The following NEDD4 variants were observed in gnomAD, a reference collection of about 807,000 sequenced individuals.
The protein encoded by NEDD4 is NEDD4 E3 ubiquitin protein ligase.
NEDD4 carries 99 observed loss-of-function variants against 144.9 expected under a neutral mutation model. The ratio of observed to expected loss-of-function variants is 0.68; its 90% CI spans 0.58 to 0.81. The LOEUF (loss-of-function observed/expected upper bound fraction) is 0.81, where lower values mean the gene tolerates loss of function less well. Ranked by LOEUF, NEDD4 falls within the 30% of genes least tolerant of loss-of-function variation. NEDD4 has a pLI of 0.00. For synonymous variants in NEDD4, 318 were observed against 350.6 expected (o/e 0.91, Z 1.04); for missense variants, 985 against 1,065.9 (o/e 0.92, Z 1.06).
chr15:55,876,075 A>G (rs912955715), intron 5 of NEDD4, among the ~76,000 whole-genome samples: 6 of 152,240 alleles, frequency 3.9e-5, no homozygotes, highest in Non-Finnish European at 7.3e-5. Flanking sequence ...GTCAAAAACA[A>G]TGGAAGCCAG....
intron 1 of NEDD4, among the ~76,000 whole-genome samples, chr15:55,975,182 T>C (rs1200956381): frequency 6.6e-6 from 1 of 152,080 alleles, no homozygotes; most frequent in Non-Finnish European, 1.5e-5. Context: ...CGTGTGCCAC[T>C]GTGCCCGGCC....
intron 4 of NEDD4, among the ~76,000 whole-genome samples, chr15:55,927,152 T>C (rs945990917): frequency 2.6e-4 from 39 of 149,836 alleles, no homozygotes; most frequent in African/African-American, 9.1e-4. Flanking sequence ...AAAGAAGATG[T>C]AGAAGAACTT....
At position 55,939,812 on chromosome 15, in the gene NEDD4, C is replaced by A. The variant is rs78698658; in HGVS notation, c.237+11564G>T. Among the ~76,000 whole-genome samples, 514 of 152,050 alleles carry A rather than the reference C, an allele frequency of 3.4e-3. 1 individual carries two copies. The highest frequency in any genetic ancestry group is 3.3e-3 in the Non-Finnish European group (227 of 67,972). ...TCTATAGAAAACAGTATAAAGGTTC[C>A]CCAAAAAATTAAAAAGTAGAACTAC... is the stretch of plus-strand genomic sequence containing the variant. On this transcript the variant is annotated intron_variant, in intron 4 of 28. Transcript: ENST00000435532.
At chr15:55,847,872 G>A (rs1039704580) in intron 17 of NEDD4, among the ~76,000 whole-genome samples, 2 of 151,844 alleles carry the variant, frequency 1.3e-5, no homozygotes, top group East Asian at 1.9e-4. Flanking sequence ...TAGAGACAGG[G>A]TTTCACCACG....
chr15:55,834,628 A>T (rs1416548513), intron 24 of NEDD4, among the ~76,000 whole-genome samples: 2 of 152,074 alleles, frequency 1.3e-5, no homozygotes, highest in Non-Finnish European at 2.9e-5. Context: ...CCATCTCTAC[A>T]AAAAAATACA....
intron 1 of NEDD4, 83 bp downstream of exon 1, chr15:55,993,428 G>A (rs1159733744): frequency 2.6e-6 from 4 of 1,528,854 alleles, no homozygotes; most frequent in Admixed American, 1.8e-5. Context: ...GCCTCCGGTC[G>A]TGGCCGCCGC....
rs1325799184 is a variant in NEDD4 at position 55,874,105 on chromosome 15, T to G, written c.292-97A>C. 12 of 572,824 alleles carry G rather than the reference T, an allele frequency of 2.1e-5. No homozygotes were observed. In the Admixed American group the frequency reaches 2.7e-4, roughly 13 times the overall value. The allele number at this position is 572,824 out of a possible 1,614,324, so 35.5% of individuals were successfully genotyped here. ...GCCACCATTCACAGAAAATGTAGAG[T>G]TTTTTTTTTATTCAGTCATATGCAG... On this transcript the variant is annotated intron_variant, in intron 5 of 28. Coordinates refer to ENST00000435532, the MANE Select transcript of NEDD4 (RefSeq NM_006154.4).
At chr15:55,988,632 C>A (rs1205027279) in intron 1 of NEDD4, among the ~76,000 whole-genome samples, 5 of 151,808 alleles carry the variant, frequency 3.3e-5, no homozygotes, top group African/African-American at 4.8e-5. Flanking sequence ...TAACATTTAT[C>A]AAAATTTGGA....
intron 5 of NEDD4, chr15:55,905,089 T>C (rs1227485344): frequency 3.0e-5 from 9 of 304,404 alleles, no homozygotes; most frequent in African/African-American, 7.8e-5. Flanking sequence ...CGAAATTCCG[T>C]CTCAAAAAAA....
chr15:55,916,147 T>C (rs368324825), intron 5 of NEDD4: 1 of 1,613,970 alleles, frequency 6.2e-7, no homozygotes, highest in Non-Finnish European at 8.5e-7. Flanking sequence ...CTTGTACTTC[T>C]TGAAAAAATT....
At chr15:55,990,259 C>T (rs1472607081) in intron 1 of NEDD4, among the ~76,000 whole-genome samples, 4 of 152,210 alleles carry the variant, frequency 2.6e-5, no homozygotes, top group Middle Eastern at 3.4e-3. Context: ...ACCGCATCCC[C>T]GGTCCATGGA....
In NEDD4 at chr15:55,960,132, C is replaced by G. The variant is rs114083214; in HGVS notation, c.119+6341G>C. ...GACTTGCTCCACTGACCCCATACCC[C>G]CAAAGGACTGCAGAAATAAGCCACA... On this transcript the variant is annotated intron_variant, in intron 2 of 28. Transcript: ENST00000435532. Among the ~76,000 whole-genome samples the G allele has an allele frequency of 5.3e-3, 807 of 152,262 alleles. 7 individuals carry two copies. The highest frequency in any genetic ancestry group is 0.018 in the African/African-American group (757 of 41,552).
chr15:55,886,128 G>C (rs1173052391), intron 5 of NEDD4, among the ~76,000 whole-genome samples: 1 of 152,060 alleles, frequency 6.6e-6, no homozygotes, highest in Non-Finnish European at 1.5e-5. Flanking sequence ...TAACAAATGG[G>C]TCAATTCAAT....
chr15:55,928,465 C>T (rs2036718116), intron 4 of NEDD4, among the ~76,000 whole-genome samples: 2 of 152,222 alleles, frequency 1.3e-5, no homozygotes, highest in African/African-American at 4.8e-5. Context: ...TGATCTGAGT[C>T]CAATTTCCCT....
chr15:55,898,000 AT>A (rs1380351405), intron 5 of NEDD4, among the ~76,000 whole-genome samples: 2 of 152,222 alleles, frequency 1.3e-5, no homozygotes, highest in Non-Finnish European at 2.9e-5. Flanking sequence ...TTCAAATGCC[AT>A]GATATTATAA....
At chr15:55,875,974 C>G (rs1368711698) in intron 5 of NEDD4, among the ~76,000 whole-genome samples, 1 of 152,068 alleles carries the variant, frequency 6.6e-6, no homozygotes, top group Non-Finnish European at 1.5e-5. Flanking sequence ...TTATTAAACG[C>G]TGAAAACAAA....
chr15:55,870,892 C>G (rs1226505156), intron 7 of NEDD4, among the ~76,000 whole-genome samples: 1 of 152,080 alleles, frequency 6.6e-6, no homozygotes, highest in Non-Finnish European at 1.5e-5. Context: ...CTTAAGAAAT[C>G]CTTACTTGTC....
At chr15:55,894,793 G>A (rs1432747499) in intron 5 of NEDD4, among the ~76,000 whole-genome samples, 1 of 152,104 alleles carries the variant, frequency 6.6e-6, no homozygotes, top group Non-Finnish European at 1.5e-5. Flanking sequence ...TATGCTACAG[G>A]AAAGAAGGAA....
chr15:55,900,796 A>G (rs2035892131), intron 5 of NEDD4, among the ~76,000 whole-genome samples: 1 of 152,198 alleles, frequency 6.6e-6, no homozygotes, highest in South Asian at 2.1e-4. Context: ...TGCCAACTAA[A>G]CATTTTAATA....
Sources: allele counts gnomAD v4.1 joint callset (sites outside exome capture counted in the v4.1 genomes callset), GRCh38; gene constraint gnomAD v4.1.1; transcripts MANE v1.5; gene names NCBI Gene and HGNC (gene_info 2026-07-23, HGNC 2026-07-21).